Variants in BID observed in about 807,000 individuals in gnomAD.
BID encodes the protein BH3-interacting domain death agonist.
Under a neutral mutation model 17.4 loss-of-function variants are expected in BID, and 19 were observed. The observed-to-expected ratio is 1.09, with a 90% confidence interval of 0.76 to 1.60. The LOEUF (loss-of-function observed/expected upper bound fraction) is 1.60. BID is among the 40% of genes most tolerant of loss of function. BID has a pLI of 0.00. For missense variants in BID, 226 were observed against 256.0 expected, an observed-to-expected ratio of 0.88 and a Z score of 0.80; for synonymous variants, 108 against 102.8, an observed-to-expected ratio of 1.05 and a Z score of -0.31.
chr22:17,771,106 C>T (rs2061715836), intron 1 of BID, among the ~76,000 whole-genome samples: 1 of 152,166 alleles, frequency 6.6e-6, no homozygotes, highest in Admixed American at 6.5e-5. Context: ...ATCTTTCCCC[C>T]ACTTTTTTTT....
At chr22:17,745,967 AAAACAAAC>A (rs952743484) in intron 2 of BID, among the ~76,000 whole-genome samples, 5 of 152,012 alleles carry the variant, frequency 3.3e-5, no homozygotes, top group Non-Finnish European at 7.3e-5. Flanking sequence ...ACTCCGTCTC[AAAACAAAC>A]AAACAAACAA....
In BID at chr22:17,739,428, T is replaced by C; in HGVS notation, c.284A>G (p.Asp95Gly). ...CGGAGGGATGCTACGGTCCATGCTG[T>C]CCCCGACCTGGGCGAGGTGCCTGGC... ...NIARHLAQVG[D>G]SMDRSIPPGL... Residue 95 changes from aspartate (D) to glycine (G), a missense_variant, in exon 4 of 6, where the codon GAC becomes GGC. Transcript: ENST00000622694. The C allele has an allele frequency of 6.2e-7, 1 of 1,612,444 alleles. No individual in the cohort carries two copies. Among genetic ancestry groups the C allele is most frequent in the Non-Finnish European group, 8.5e-7 (1 of 1,179,892 alleles).
chr22:17,738,028 A>C lies in BID; in HGVS notation c.565T>G (p.Leu189Val). The change falls in exon 5 of 6, where the codon TTA becomes GTA. Residue 189 changes from leucine (L) to valine (V), a missense_variant. Transcript: ENST00000622694. ...NQNLRTYVRS[L>V]ARNGMD is the part of the protein sequence containing the mutation. The stretch of plus-strand genomic sequence containing the variant: ...TCAAGGGTTCTTACATTTCTGGCTA[A>C]GCTCCTCACGTAGGTGCGTAGGTTC... The C allele has an allele frequency of 6.2e-7, 1 of 1,614,184 alleles. No individual in the cohort carries two copies. The highest frequency in any genetic ancestry group is 1.7e-5 in the Admixed American group (1 of 60,026).
At chr22:17,741,516 C>G (rs2061459322) in intron 3 of BID, among the ~76,000 whole-genome samples, 1 of 151,924 alleles carries the variant, frequency 6.6e-6, no homozygotes, top group Admixed American at 6.6e-5. Context: ...CTCTGTTCCC[C>G]AAGCTGGAGT....
intron 1 of BID, among the ~76,000 whole-genome samples, chr22:17,756,862 C>G (rs1049439165): frequency 3.3e-5 from 5 of 152,120 alleles, no homozygotes; most frequent in Non-Finnish European, 7.4e-5. Context: ...GCGTGAGCCA[C>G]TATGCCGGCC....
intron 1 of BID, among the ~76,000 whole-genome samples, chr22:17,767,134 G>A (rs1293905182): frequency 6.6e-6 from 1 of 151,234 alleles, no homozygotes; most frequent in Non-Finnish European, 1.5e-5. Context: ...TGAGGCAGGA[G>A]AATCTCTTGA....
rs2061734167 is a variant in BID at position 17,773,325 on chromosome 22, A to T, written c.-59+1056T>A. Among the ~76,000 whole-genome samples, 1 of 152,048 alleles carries T rather than the reference A, an allele frequency of 6.6e-6. No homozygotes were observed. The highest frequency in any genetic ancestry group is 2.4e-5 in the African/African-American group (1 of 41,404). On this transcript the variant is annotated intron_variant, in intron 1 of 5. Transcript: ENST00000622694. This position sits in a 1 kb window ranked among gnomAD's most constrained non-coding sequence, Gnocchi z 4.4. Reference sequence around the variant, plus strand: ...GAATCTGGTCTCGGTCATCACTCCCAGGGGACTGCAGGGCCCCAGGACGGC... The same window carrying T: ...GAATCTGGTCTCGGTCATCACTCCCTGGGGACTGCAGGGCCCCAGGACGGC...
intron 3 of BID, chr22:17,740,531 G>A (rs5992810): frequency 0.17 from 36,362 of 213,974 alleles, 4,467 homozygotes; most frequent in African/African-American, 0.37. Flanking sequence ...CTGGGTTCAA[G>A]CAAGTCTCAT....
chr22:17,754,926 G>A (rs1449610223), intron 1 of BID, among the ~76,000 whole-genome samples: 1 of 151,674 alleles, frequency 6.6e-6, no homozygotes, highest in Admixed American at 6.6e-5. Flanking sequence ...CACCACACCC[G>A]GCTAATTTTT....
chr22:17,767,642 T>A (rs891790493), intron 1 of BID, among the ~76,000 whole-genome samples: 1 of 151,780 alleles, frequency 6.6e-6, no homozygotes, highest in Non-Finnish European at 1.5e-5. Flanking sequence ...CCTACAAAGA[T>A]GAGCAAAACA....
chr22:17,755,777 G>A (rs2061577746), intron 1 of BID, among the ~76,000 whole-genome samples: 1 of 147,672 alleles, frequency 6.8e-6, no homozygotes, highest in South Asian at 2.2e-4. Flanking sequence ...TACAGCCTGG[G>A]CGACAAGAGC....
chr22:17,737,041 A>G (rs1298487447), intron 5 of BID, among the ~76,000 whole-genome samples: 1 of 151,978 alleles, frequency 6.6e-6, no homozygotes, highest in East Asian at 1.9e-4. Context: ...TCCTGACTTC[A>G]TGATCCGCCT....
chr22:17,741,403 C>T (rs538247157), intron 3 of BID, among the ~76,000 whole-genome samples: 1 of 152,276 alleles, frequency 6.6e-6, no homozygotes, highest in South Asian at 2.1e-4. Flanking sequence ...CAAGTCATGA[C>T]CCAGCCTGAA....
In BID at chr22:17,739,956, C is replaced by T. The variant is rs1212152078; in HGVS notation, c.224-468G>A. On this transcript the variant is annotated intron_variant, in intron 3 of 5. Coordinates refer to ENST00000622694, the MANE Select transcript of BID (RefSeq NM_001196.4). ...CTCGCAGTCCCGTCTCAGGAAAACC[C>T]CAGTTGTCACTGGCACCGGCAAGGC... The T allele has an allele frequency of 4.5e-5, 46 of 1,020,004 alleles. No homozygotes were observed. In the East Asian group the frequency reaches 1.2e-3, roughly 27 times the overall value. The allele number at this position is 1,020,004 out of a possible 1,614,324, so 63.2% of individuals were successfully genotyped here.
At chr22:17,749,599 A>G (rs2061521575) in intron 2 of BID, among the ~76,000 whole-genome samples, 1 of 152,254 alleles carries the variant, frequency 6.6e-6, no homozygotes, top group South Asian at 2.1e-4. Flanking sequence ...TTGGTTAGAC[A>G]AGGTAAGTAT....
Position 17,769,933 on chromosome 22 carries a change from C to T in BID, c.-59+4448G>A, listed in dbSNP as rs1343460609. On this transcript the variant is annotated intron_variant, in intron 1 of 5. Transcript: ENST00000622694. The surrounding 1 kb of genome is among the most constrained non-coding windows in gnomAD (Gnocchi z 4.8). ...CCGCTGGCCTCCGGTGCCCTCAGGCCTAGCCTCATTGTCACAGGAACGGAG... is the reference window on the plus strand; with the variant it reads ...CCGCTGGCCTCCGGTGCCCTCAGGCTTAGCCTCATTGTCACAGGAACGGAG... 6.6e-6 allele frequency among the ~76,000 whole-genome samples: 1 copy of T among 152,162 alleles called. No individual in the cohort carries two copies. Among genetic ancestry groups the T allele is most frequent in the Non-Finnish European group, 1.5e-5 (1 of 68,020 alleles).
chr22:17,767,084 C>T (rs1461694278), intron 1 of BID, among the ~76,000 whole-genome samples: 2 of 151,566 alleles, frequency 1.3e-5, no homozygotes, highest in African/African-American at 2.4e-5. Flanking sequence ...ATTAGCTGGG[C>T]ATGGTGGCAC....
intron 3 of BID, chr22:17,739,847 T>G: frequency 1.6e-6 from 1 of 607,232 alleles, no homozygotes; most frequent in Non-Finnish European, 2.9e-6. Context: ...GGCCTTGGCC[T>G]GGGCAGCCGT....
chr22:17,743,846 A>G lies in BID; in HGVS notation c.180T>C (p.Asp60=), dbSNP rs2072392. ...AGCGGGAGTGGCTGCTGCGGTTGCC[A>G]TCAGTCTGCAGCTCATCGTAGCCCT... ...QWEGYDELQT[D]GNRSSHSRLG... is the part of the protein sequence containing the mutation. The change falls in exon 3 of 6, where the codon GAT becomes GAC. Residue 60 remains aspartate, a synonymous_variant. Transcript: ENST00000622694. 43,982 of 1,612,632 alleles carry G rather than the reference A, an allele frequency of 0.027. 844 individuals are homozygous for G. Among genetic ancestry groups the G allele is most frequent in the East Asian group, 0.096 (4,321 of 44,876 alleles).
Sources: allele counts gnomAD v4.1 joint callset (sites outside exome capture counted in the v4.1 genomes callset), GRCh38; gene constraint gnomAD v4.1.1; non-coding constraint Gnocchi (gnomAD v3.1); transcripts MANE v1.5; gene names NCBI Gene and HGNC (gene_info 2026-07-23, HGNC 2026-07-21).